Variants in ADAMTS6 observed in about 807,000 individuals in gnomAD.
ADAMTS6 encodes A disintegrin and metalloproteinase with thrombospondin motifs 6.
A neutral mutation model predicts 144.3 loss-of-function variants in ADAMTS6; 23 were observed. That is an observed-to-expected ratio of 0.16 (90% CI 0.11 to 0.23). The LOEUF is 0.23. ADAMTS6 is among the 10% of genes least tolerant of loss of function. The pLI, the probability that ADAMTS6 is intolerant of heterozygous loss-of-function variation, is 1.00. For missense variants in ADAMTS6, 999 were observed against 1,379.6 expected (o/e 0.72, Z 4.37); for synonymous variants, 444 against 457.5 (o/e 0.97, Z 0.38).
At chr5:65,224,422 G>T in intron 17 of ADAMTS6, 22 bp from the exon 18 acceptor site, 1 of 1,601,712 alleles carries the variant, frequency 6.2e-7, no homozygotes, top group Non-Finnish European at 8.6e-7. Flanking sequence ...AAGATAGCCA[G>T]TATTAAGCAG....
chr5:65,178,439 T>A (rs1754118625), intron 22 of ADAMTS6, among the ~76,000 whole-genome samples: 1 of 152,190 alleles, frequency 6.6e-6, no homozygotes, highest in African/African-American at 2.4e-5. Context: ...ACATCTATTA[T>A]AACCAATAGC....
chr5:65,350,480 A>G lies in ADAMTS6; in HGVS notation c.1074-16395T>C, dbSNP rs989414972. On this transcript the variant is annotated intron_variant, in intron 7 of 24. Transcript: ENST00000381055. ...TTCTTTAGCGGTAGCACAGAGAACT[A>G]GAAACAAAGCTCATGTAAGGGTCTG... Among the ~76,000 whole-genome samples the G allele has an allele frequency of 8.5e-5, 13 of 152,338 alleles. No individual in the cohort carries two copies. The East Asian group carries it at 2.1e-3, about 25-fold the overall frequency.
chr5:65,314,693 A>G (rs1304720212), intron 9 of ADAMTS6, among the ~76,000 whole-genome samples: 1 of 152,202 alleles, frequency 6.6e-6, no homozygotes, highest in African/African-American at 2.4e-5. Context: ...AAGAATAGAA[A>G]TTTCAGCTAT....
At chr5:65,332,258 G>GAA (rs1323298017) in intron 8 of ADAMTS6, among the ~76,000 whole-genome samples, 1 of 138,814 alleles carries the variant, frequency 7.2e-6, no homozygotes, top group Non-Finnish European at 1.6e-5. Context: ...TCAAAAAGCA[G>GAA]AATATATATA....
rs1752069794 is a variant in ADAMTS6 at position 65,150,045 on chromosome 5, AGT to A, written c.*1789_*1790del. Reference sequence around the variant, plus strand: ...GCTGATTGTCCACAGCAAACCTGGGAGTTGTTTAGATTGGCTTTTGGTGTCTG... The same window carrying A: ...GCTGATTGTCCACAGCAAACCTGGGATGTTTAGATTGGCTTTTGGTGTCTG... On this transcript the variant is annotated 3_prime_UTR_variant, in exon 25 of 25. Coordinates refer to ENST00000381055, the MANE Select transcript of ADAMTS6 (RefSeq NM_197941.4). 6.6e-6 allele frequency: 1 copy of A among 152,214 alleles called. No individual in the cohort carries two copies. Among genetic ancestry groups the A allele is most frequent in the South Asian group, 2.1e-4 (1 of 4,824 alleles). The allele number at this position is 152,214 out of a possible 1,614,324, so 9.4% of individuals were successfully genotyped here.
intron 7 of ADAMTS6, among the ~76,000 whole-genome samples, chr5:65,444,657 TA>T (rs1389874563): frequency 2.6e-5 from 4 of 152,164 alleles, no homozygotes; most frequent in Admixed American, 2.6e-4. Flanking sequence ...GTCAGTTCGC[TA>T]GACCACAGTC....
chr5:65,206,850 A>T (rs1317216428), intron 20 of ADAMTS6, among the ~76,000 whole-genome samples: 15 of 151,308 alleles, frequency 9.9e-5, no homozygotes, highest in Non-Finnish European at 2.1e-4. Flanking sequence ...ACACACACAC[A>T]CACACACACA....
intron 20 of ADAMTS6, among the ~76,000 whole-genome samples, chr5:65,205,645 A>G (rs1293500463): frequency 3.3e-5 from 5 of 152,182 alleles, no homozygotes; most frequent in South Asian, 4.1e-4. Flanking sequence ...GAAATACCCA[A>G]CTTTTTAAAG....
chr5:65,404,462 A>C (rs922757464), intron 7 of ADAMTS6, among the ~76,000 whole-genome samples: 2 of 152,172 alleles, frequency 1.3e-5, no homozygotes, highest in Non-Finnish European at 2.9e-5. Context: ...ATGTCCCTAC[A>C]AAGGATATGA....
intron 7 of ADAMTS6, among the ~76,000 whole-genome samples, chr5:65,382,324 CT>C (rs1752114039): frequency 6.6e-6 from 1 of 152,208 alleles, no homozygotes; most frequent in Non-Finnish European, 1.5e-5. Flanking sequence ...CATTACCTGA[CT>C]TGGCCATATA....
chr5:65,149,979 GATACAGATGGTCAT>G lies in ADAMTS6; in HGVS notation c.*1843_*1856del, dbSNP rs540501368. On this transcript the variant is annotated 3_prime_UTR_variant, in exon 25 of 25. Coordinates refer to ENST00000381055, the MANE Select transcript of ADAMTS6 (RefSeq NM_197941.4). ...TGTTGAGAGAGAAAGCAGGTAACAA[GATACAGATGGTCAT>G]GACTGAGAGTGCAGAAAACATTCCA... 2.1e-3 allele frequency: 315 copies of G among 152,456 alleles called. 2 individuals carry two copies. Among genetic ancestry groups the G allele is most frequent in the Non-Finnish European group, 2.5e-3 (170 of 68,028 alleles). 9.4% of individuals were successfully genotyped at this position (152,456 alleles called of 1,614,324 possible).
chr5:65,391,933 G>C (rs1021127889), intron 7 of ADAMTS6, among the ~76,000 whole-genome samples: 8 of 151,856 alleles, frequency 5.3e-5, no homozygotes, highest in African/African-American at 1.9e-4. Flanking sequence ...ATGGGATTTT[G>C]CCACATTGGC....
intron 11 of ADAMTS6, among the ~76,000 whole-genome samples, chr5:65,275,353 G>GAGAAAGAAAGAA (rs71693940): frequency 4.1e-3 from 357 of 87,186 alleles, no homozygotes; most frequent in East Asian, 0.014. Flanking sequence ...AAAGAAAGAA[G>GAGAAAGAAAGAA]AGAAAGAAAG....
chr5:65,470,879 G>A lies in ADAMTS6; in HGVS notation c.361C>T (p.Pro121Ser), dbSNP rs1428905905. The A allele has an allele frequency of 1.9e-6, 3 of 1,610,630 alleles. No individual in the cohort carries two copies. The highest frequency in any genetic ancestry group is 2.5e-6 in the Non-Finnish European group (3 of 1,179,146). The stretch of plus-strand genomic sequence containing the variant: ...TCTAAAAAATCATGTTTCCACTGGG[G>A]TCCATCTTTCCCCCAATATTCTACT... ...FTVEYWGKDG[P>S]QWKHDFLDNC... Residue 121 changes from proline to serine, a missense_variant, in exon 3 of 25, where the codon CCC becomes TCC. This residue lies in a region of ADAMTS6 where 252 missense variants were observed against 293.7 expected (regional missense o/e 0.86). Coordinates refer to ENST00000381055, the MANE Select transcript of ADAMTS6 (RefSeq NM_197941.4).
chr5:65,163,500 A>T (rs1752915366), intron 24 of ADAMTS6, among the ~76,000 whole-genome samples: 1 of 152,240 alleles, frequency 6.6e-6, no homozygotes, highest in Non-Finnish European at 1.5e-5. Flanking sequence ...GCAAAGATGC[A>T]AGGTGTCTGG....
At chr5:65,463,345 G>A (rs1290414303) in intron 3 of ADAMTS6, among the ~76,000 whole-genome samples, 23 of 152,146 alleles carry the variant, frequency 1.5e-4, no homozygotes, top group Admixed American at 1.5e-3. Context: ...AGGCAATGAG[G>A]TAGGAGCATA....
intron 7 of ADAMTS6, among the ~76,000 whole-genome samples, chr5:65,445,849 C>A (rs1251710192): frequency 6.6e-6 from 1 of 152,068 alleles, no homozygotes; most frequent in Non-Finnish European, 1.5e-5. Flanking sequence ...GAGTGAGAGA[C>A]CCTGTCTCAA....
chr5:65,219,346 C>T (rs1250674100), intron 18 of ADAMTS6, among the ~76,000 whole-genome samples: 2 of 151,994 alleles, frequency 1.3e-5, no homozygotes, highest in Admixed American at 6.6e-5. Flanking sequence ...CGATAGTTGC[C>T]GACCCCCAAC....
chr5:65,222,170 G>A (rs550025394), intron 18 of ADAMTS6, among the ~76,000 whole-genome samples: 9 of 152,124 alleles, frequency 5.9e-5, no homozygotes, highest in Non-Finnish European at 1.2e-4. Flanking sequence ...CAAAAATAAT[G>A]TTGAAAAAGA....
Sources: allele counts gnomAD v4.1 joint callset (sites outside exome capture counted in the v4.1 genomes callset), GRCh38; gene constraint gnomAD v4.1.1; regional missense constraint gnomAD v4.1.1; transcripts MANE v1.5; gene names NCBI Gene and HGNC (gene_info 2026-07-23, HGNC 2026-07-21).